FBN3: variants seen among roughly 807,000 people sequenced by gnomAD.
FBN3 encodes the protein fibrillin-3.
FBN3 carries 234 observed loss-of-function variants against 330.1 expected under a neutral mutation model. That is an observed-to-expected ratio of 0.71 (90% CI 0.64 to 0.79). FBN3 has a LOEUF of 0.79. Among genes scored for constraint, FBN3 ranks in the 30% least tolerant of loss-of-function variants. The probability of loss-of-function intolerance (pLI) is 0.00; values close to 1 mark genes in which losing one functional copy is unlikely to be tolerated. For missense variants in FBN3, 3,606 were observed against 3,886.9 expected (o/e 0.93, Z 1.92); for synonymous variants, 1,458 against 1,517.3 (o/e 0.96, Z 0.91).
intron 32 of FBN3, 34 bp downstream of exon 32, chr19:8,111,614 T>A: frequency 6.9e-7 from 1 of 1,456,222 alleles, no homozygotes; most frequent in Non-Finnish European, 9.5e-7. Context: ...GCTGTCCCTC[T>A]AGGGCCCCTG....
At chr19:8,088,278 G>A (rs757744316) in intron 51 of FBN3, 99 bp from the exon 52 acceptor site, 126 of 1,428,604 alleles carry the variant, frequency 8.8e-5, no homozygotes, top group Non-Finnish European at 1.2e-4. Context: ...ATCGGAGGGG[G>A]CCAGATCGAA....
chr19:8,137,947 C>A (rs2083325233), intron 10 of FBN3, among the ~76,000 whole-genome samples, 194 bp downstream of exon 10: 1 of 152,174 alleles, frequency 6.6e-6, no homozygotes, highest in African/African-American at 2.4e-5. Context: ...ACTCTGAGGA[C>A]CAGATTCTCC....
chr19:8,087,340 C>T (rs2081987181), intron 53 of FBN3, 129 bp from the exon 54 acceptor site: 1 of 1,065,958 alleles, frequency 9.4e-7, no homozygotes, highest in Admixed American at 3.4e-5. Flanking sequence ...AAATGTCTAT[C>T]CCTCTTAGGA....
Position 8,141,758 on chromosome 19 carries a change from G to A in FBN3, c.824C>T (p.Pro275Leu). The change falls in exon 8 of 64, where the codon CCA (proline) becomes CTA (leucine). Residue 275 changes from proline to leucine, a missense_variant. Coordinates refer to ENST00000600128, the MANE Select transcript of FBN3 (RefSeq NM_032447.5). ...NMVGSFHCRC[P>L]VGHRLSDSSA... ...GCTGTCACTGAGCCGGTGTCCAACT[G>A]GACAGCGGCAATGGAAGGAGCCCAC... The A allele has an allele frequency of 6.2e-7, 1 of 1,614,164 alleles. No individual in the cohort carries two copies. The highest frequency in any genetic ancestry group is 8.5e-7 in the Non-Finnish European group (1 of 1,180,022).
rs768691209 is a variant in FBN3, at chr19:8,111,199, A to C, written c.4085-16T>G. 1.3e-6 allele frequency: 2 copies of C among 1,576,880 alleles called. No individual in the cohort carries two copies. The highest frequency in any genetic ancestry group is 2.4e-5 in the South Asian group (2 of 84,892). ...TCATCCCTGTCTGAGGGGCCCCAAG[A>C]TTCGGAGGGCTGGAGGCCGGTGGAC... On this transcript the variant is annotated splice_polypyrimidine_tract_variant and intron_variant, in intron 32 of 63. Transcript: ENST00000600128.
intron 49 of FBN3, 70 bp from the exon 50 acceptor site, chr19:8,090,029 A>G (rs1599311902): frequency 6.2e-7 from 1 of 1,600,010 alleles, no homozygotes; most frequent in Non-Finnish European, 8.5e-7. Flanking sequence ...GCAGGGAAGG[A>G]TGAGAGAAGA....
In FBN3 at chr19:8,138,480, CA is replaced by C. The variant is rs777758995; in HGVS notation, c.949del (p.Cys317AlafsTer89). Reference sequence around the variant, plus strand: ...CCAGCACCTGCCCCTGTCACAGCAGCACTGCCTGCGAGTGTAGTGGCCGGCG... The same window carrying C: ...CCAGCACCTGCCCCTGTCACAGCAGCCTGCCTGCGAGTGTAGTGGCCGGCG... ...DLAGHYTRRQ[C>X]CCDRGRCWAA... On this transcript the variant is annotated frameshift_variant, in exon 9 of 64. Transcript: ENST00000600128. LOFTEE classifies it high-confidence loss of function. The C allele has an allele frequency of 2.5e-6, 4 of 1,613,436 alleles. No homozygotes were observed.
chr19:8,147,149 A>G lies in FBN3; in HGVS notation c.205T>C (p.Cys69Arg). 1 of 1,573,418 alleles carries G rather than the reference A, an allele frequency of 6.4e-7. No individual in the cohort carries two copies. The highest frequency in any genetic ancestry group is 8.6e-7 in the Non-Finnish European group (1 of 1,160,604). ...VCGSRFHAYC[C>R]PGWRTFPGRS... ...CCAGGGAATGTCCTCCAGCCTGGACAGCAGTAGGCATGGAACCGGGAGCCG... is the reference window on the plus strand; with the variant it reads ...CCAGGGAATGTCCTCCAGCCTGGACGGCAGTAGGCATGGAACCGGGAGCCG... Residue 69 changes from cysteine (C) to arginine (R), a missense_variant, in exon 3 of 64, where the codon TGT becomes CGT. Cys to Arg is a radical substitution (Grantham distance 180, BLOSUM62 -3). Coordinates refer to ENST00000600128, the MANE Select transcript of FBN3 (RefSeq NM_032447.5).
chr19:8,111,031 C>A (rs767603930), intron 33 of FBN3, 27 bp downstream of exon 33: 12 of 1,613,666 alleles, frequency 7.4e-6, no homozygotes, highest in Middle Eastern at 1.7e-4. Context: ...CCCACTCTGT[C>A]CTCTGCCCTG....
At chr19:8,108,826 TG>T (rs2082508575) in intron 36 of FBN3, among the ~76,000 whole-genome samples, 1 of 152,154 alleles carries the variant, frequency 6.6e-6, no homozygotes, top group Non-Finnish European at 1.5e-5. Context: ...GCTATGGGTA[TG>T]CCTCAAAGAA....
chr19:8,140,958 C>T (rs555841399), intron 8 of FBN3, among the ~76,000 whole-genome samples: 7 of 151,556 alleles, frequency 4.6e-5, no homozygotes, highest in South Asian at 2.1e-4. Flanking sequence ...TTTGGGAGGC[C>T]GAGGCGGGCG....
chr19:8,087,745 A>G (rs935341893), intron 53 of FBN3, 80 bp downstream of exon 53: 34 of 1,293,694 alleles, frequency 2.6e-5, no homozygotes, highest in Admixed American at 5.2e-5. Context: ...AGTAGCTGGG[A>G]TTACAGGCGT....
intron 24 of FBN3, 131 bp downstream of exon 24, chr19:8,123,327 CTGGATA>C: frequency 1.0e-6 from 1 of 978,204 alleles, no homozygotes; most frequent in Non-Finnish European, 1.5e-6. Context: ...GCACTCCAGC[CTGGATA>C]ACAAGAGTAA....
At chr19:8,068,694 C>T (rs112349055) in intron 63 of FBN3, among the ~76,000 whole-genome samples, 4 of 147,878 alleles carry the variant, frequency 2.7e-5, no homozygotes, top group African/African-American at 7.5e-5. Context: ...AGAGTGAGAC[C>T]TTGTCTCAAA....
intron 32 of FBN3, 72 bp downstream of exon 32, chr19:8,111,576 G>A: frequency 7.2e-7 from 1 of 1,398,570 alleles, no homozygotes; most frequent in South Asian, 1.3e-5. Flanking sequence ...GAGTGACCAT[G>A]GCAGCCACCG....
rs1025219438 is a variant in FBN3 at position 8,142,971 on chromosome 19, A to G, written c.542-834T>C. ...ACCCTCAAACCCAGGTCACTTCCCCAGCCCCTCCAGCTTCTAGTCCCCGGG... is the reference window on the plus strand; with the variant it reads ...ACCCTCAAACCCAGGTCACTTCCCCGGCCCCTCCAGCTTCTAGTCCCCGGG... On this transcript the variant is annotated intron_variant, in intron 6 of 63. Transcript: ENST00000600128. Among the ~76,000 whole-genome samples, 7 of 150,190 alleles carry G rather than the reference A, an allele frequency of 4.7e-5. 1 individual carries two copies. Among genetic ancestry groups the G allele is most frequent in the Admixed American group, 1.3e-4 (2 of 15,022 alleles).
At chr19:8,128,608 A>G (rs1024302408) in intron 18 of FBN3, among the ~76,000 whole-genome samples, 1 of 151,924 alleles carries the variant, frequency 6.6e-6, no homozygotes. Context: ...GTGAGTATAT[A>G]TGTGTCTTTG....
In FBN3 at chr19:8,136,520, G is replaced by C; in HGVS notation, c.1213C>G (p.Leu405Val). Residue 405 changes from leucine (L) to valine (V), a missense_variant, in exon 11 of 64, where the codon CTG becomes GTG. Coordinates refer to ENST00000600128, the MANE Select transcript of FBN3 (RefSeq NM_032447.5). ...PGNSNIGTAT[L>V]NQTIDICRHF... ...CGGCAGATGTCAATGGTCTGGTTCAGGGTAGCAGTGCCTACGGGTGGGGCC... is the reference window on the plus strand; with the variant it reads ...CGGCAGATGTCAATGGTCTGGTTCACGGTAGCAGTGCCTACGGGTGGGGCC... 1 of 1,614,136 alleles carries C rather than the reference G, an allele frequency of 6.2e-7. No homozygotes were observed. The highest frequency in any genetic ancestry group is 8.5e-7 in the Non-Finnish European group (1 of 1,179,994).
At chr19:8,147,074 C>T (rs1366377434) in intron 3 of FBN3, 30 bp downstream of exon 3, 1 of 1,536,210 alleles carries the variant, frequency 6.5e-7, no homozygotes, top group Non-Finnish European at 8.8e-7. Context: ...GGCCTGTGCC[C>T]CCCCACCTCC....
Sources: allele counts gnomAD v4.1 joint callset (sites outside exome capture counted in the v4.1 genomes callset), GRCh38; gene constraint gnomAD v4.1.1; transcripts MANE v1.5; gene names NCBI Gene and HGNC (gene_info 2026-07-23, HGNC 2026-07-21).